ATE1: variants seen among roughly 807,000 people sequenced by gnomAD.
The protein encoded by ATE1 is arginyl-tRNA--protein transferase 1.
ATE1 carries 36 observed loss-of-function variants against 70.5 expected under a neutral mutation model. The ratio of observed to expected loss-of-function variants is 0.51; its 90% confidence interval spans 0.39 to 0.67. ATE1 has a LOEUF of 0.67. Ranked by LOEUF, ATE1 falls within the 30% of genes least tolerant of loss-of-function variation. ATE1 has a pLI of 0.00. For synonymous variants in ATE1, 232 were observed against 219.3 expected (o/e 1.06, Z -0.51); for missense variants, 593 against 629.5 (o/e 0.94, Z 0.62).
chr10:121,801,694 CT>C (rs1946885797), intron 10 of ATE1, among the ~76,000 whole-genome samples: 1 of 151,990 alleles, frequency 6.6e-6, no homozygotes, highest in Non-Finnish European at 1.5e-5. Context: ...TGTTTATTTG[CT>C]TTTTTAAGGC....
intron 4 of ATE1, among the ~76,000 whole-genome samples, chr10:121,911,720 C>A (rs1057316763): frequency 6.6e-6 from 1 of 151,876 alleles, no homozygotes; most frequent in African/African-American, 2.4e-5. Context: ...ACCTAGAACA[C>A]CCACACTGAA....
At chr10:121,788,836 A>T (rs1476775392) in intron 11 of ATE1, among the ~76,000 whole-genome samples, 1 of 152,224 alleles carries the variant, frequency 6.6e-6, no homozygotes, top group African/African-American at 2.4e-5. Flanking sequence ...GGGGAAGACA[A>T]GCATGTCAAC....
intron 11 of ATE1, among the ~76,000 whole-genome samples, chr10:121,756,572 A>G (rs149588587): frequency 0.01 from 1,577 of 152,208 alleles, 11 homozygotes; most frequent in African/African-American, 0.027. Context: ...ATTTCCACAC[A>G]TCTTCTGAAA....
intron 8 of ATE1, among the ~76,000 whole-genome samples, chr10:121,860,852 A>C (rs887522278): frequency 2.6e-5 from 4 of 152,226 alleles, no homozygotes; most frequent in African/African-American, 9.6e-5. Context: ...GCACTCTAGT[A>C]AACACCTTAG....
intron 8 of ATE1, among the ~76,000 whole-genome samples, chr10:121,855,596 T>C (rs1949219749): frequency 6.6e-6 from 1 of 152,222 alleles, no homozygotes; most frequent in African/African-American, 2.4e-5. Context: ...TCTCATTGTA[T>C]GTGAAATATT....
chr10:121,829,834 A>G (rs1044976964), intron 10 of ATE1, among the ~76,000 whole-genome samples: 4 of 152,242 alleles, frequency 2.6e-5, no homozygotes, highest in Admixed American at 6.5e-5. Context: ...ACAATGTGGC[A>G]AAAATATGCC....
chr10:121,780,665 A>G (rs1223987095), intron 11 of ATE1, among the ~76,000 whole-genome samples: 1 of 152,192 alleles, frequency 6.6e-6, no homozygotes. Context: ...GGCCTGCTCT[A>G]AAGTCCAGCT....
At chr10:121,744,450 T>G (rs1944265926) in intron 11 of ATE1, among the ~76,000 whole-genome samples, 1 of 152,156 alleles carries the variant, frequency 6.6e-6, no homozygotes, top group Non-Finnish European at 1.5e-5. Context: ...ACTGGCCTCC[T>G]GCACCTTTAT....
chr10:121,826,807 C>T (rs1271699075), intron 10 of ATE1, among the ~76,000 whole-genome samples: 1 of 152,092 alleles, frequency 6.6e-6, no homozygotes, highest in Admixed American at 6.6e-5. Context: ...GTCTACTGTT[C>T]CTCTCTTTTT....
At chr10:121,799,440 C>CAAA (rs370086606) in intron 10 of ATE1, among the ~76,000 whole-genome samples, 1 of 143,506 alleles carries the variant, frequency 7.0e-6, no homozygotes. Flanking sequence ...TTTAGGAAAA[C>CAAA]AAAAAAAAAA....
chr10:121,799,462 CCAATAG>C (rs1946790390), intron 10 of ATE1, among the ~76,000 whole-genome samples: 1 of 151,978 alleles, frequency 6.6e-6, no homozygotes, highest in Admixed American at 6.6e-5. Flanking sequence ...CAGGCACTCA[CCAATAG>C]CAAATACAGA....
intron 7 of ATE1, among the ~76,000 whole-genome samples, chr10:121,896,482 T>TA (rs1950784482): frequency 6.6e-6 from 1 of 151,720 alleles, no homozygotes; most frequent in African/African-American, 2.4e-5. Context: ...ATTATTTTTT[T>TA]AAAAATCTGG....
At chr10:121,791,065 T>TATACAC (rs1564840823) in intron 10 of ATE1, among the ~76,000 whole-genome samples, 1 of 40,536 alleles carries the variant, frequency 2.5e-5, no homozygotes, top group East Asian at 4.6e-4. Context: ...CGTGTGTGTG[T>TATACAC]GTGTGTGTGT....
intron 10 of ATE1, among the ~76,000 whole-genome samples, chr10:121,829,107 G>A (rs1366215694): frequency 6.6e-6 from 1 of 152,054 alleles, no homozygotes; most frequent in South Asian, 2.1e-4. Context: ...GTACCTAACA[G>A]GCTGCTCCTT....
intron 3 of ATE1, among the ~76,000 whole-genome samples, chr10:121,919,017 T>A (rs138645178): frequency 0.016 from 2,362 of 144,926 alleles, 53 homozygotes; most frequent in African/African-American, 0.055. Context: ...CAGCACTCTA[T>A]AAAATGGACC....
At chr10:121,807,031 C>T (rs963405272) in intron 10 of ATE1, among the ~76,000 whole-genome samples, 2 of 152,174 alleles carry the variant, frequency 1.3e-5, no homozygotes, top group East Asian at 1.9e-4. Flanking sequence ...TGATCCTCTC[C>T]AAGAGCTCCC....
chr10:121,767,291 TA>T (rs1447449791), intron 11 of ATE1, among the ~76,000 whole-genome samples: 1 of 152,140 alleles, frequency 6.6e-6, no homozygotes, highest in Non-Finnish European at 1.5e-5. Flanking sequence ...GCTAATATCT[TA>T]AAGGTGAGAG....
In ATE1 at chr10:121,911,156, A is replaced by G; in HGVS notation, c.338-5T>C. 6.3e-7 allele frequency: 1 copy of G among 1,599,876 alleles called. No homozygotes were observed. The highest frequency in any genetic ancestry group is 1.1e-5 in the South Asian group (1 of 87,332). ...TTGTGGAATCCATGGGCTCATCTACAAATCAGAAGAAATTAAAAATCCATC... is the reference window on the plus strand; with the variant it reads ...TTGTGGAATCCATGGGCTCATCTACGAATCAGAAGAAATTAAAAATCCATC... On this transcript the variant is annotated splice_polypyrimidine_tract_variant and splice_region_variant and intron_variant, in intron 4 of 11. Transcript: ENST00000224652.
At chr10:121,822,534 C>T (rs1019334976) in intron 10 of ATE1, among the ~76,000 whole-genome samples, 11 of 152,076 alleles carry the variant, frequency 7.2e-5, no homozygotes, top group African/African-American at 2.7e-4. Flanking sequence ...TTATATCACA[C>T]CTCAATAAGT....
Sources: allele counts gnomAD v4.1 joint callset (sites outside exome capture counted in the v4.1 genomes callset), GRCh38; gene constraint gnomAD v4.1.1; transcripts MANE v1.5; gene names NCBI Gene and HGNC (gene_info 2026-07-23, HGNC 2026-07-21).